The following FAM13A variants were observed in gnomAD, a reference collection of about 807,000 sequenced individuals.
The protein encoded by FAM13A is protein FAM13A.
Under a neutral mutation model 129.6 loss-of-function variants are expected in FAM13A, and 76 were observed. That is an observed-to-expected ratio of 0.59 (90% CI 0.49 to 0.71). FAM13A has a LOEUF of 0.71. FAM13A is among the 30% of genes least tolerant of loss of function. The probability of loss-of-function intolerance (pLI) is 0.00; values close to 1 mark genes in which losing one functional copy is unlikely to be tolerated. For missense variants in FAM13A, 1,108 were observed against 1,249.3 expected (o/e 0.89, Z 1.70); for synonymous variants, 443 against 449.9 (o/e 0.98, Z 0.20).
intron 6 of FAM13A, among the ~76,000 whole-genome samples, chr4:88,875,842 G>A (rs144725789): frequency 1.7e-3 from 264 of 152,234 alleles, no homozygotes; most frequent in African/African-American, 5.9e-3. Context: ...ACTTGCACAC[G>A]TATGTTTATT....
At position 88,991,027 on chromosome 4, in the gene FAM13A, T is replaced by C. The variant is rs1762865155; in HGVS notation, c.551A>G (p.Gln184Arg). 6.2e-7 allele frequency: 1 copy of C among 1,614,194 alleles called. No homozygotes were observed. The highest frequency in any genetic ancestry group is 8.5e-7 in the Non-Finnish European group (1 of 1,180,004). The change falls in exon 4 of 24, where the codon CAG becomes CGG. Residue 184 changes from glutamine (Q) to arginine (R), a missense_variant. Transcript: ENST00000264344. The part of the protein sequence containing the change: ...FLTKVAKHHV[Q>R]NRMNVHNLAT... ...GAGATTGTGAACATTCATGCGATTCTGCACATGATGCTTGGCTACTTTTGT... is the reference window on the plus strand; with the variant it reads ...GAGATTGTGAACATTCATGCGATTCCGCACATGATGCTTGGCTACTTTTGT...
chr4:89,021,889 A>G (rs1006771404), intron 2 of FAM13A, among the ~76,000 whole-genome samples: 1 of 152,160 alleles, frequency 6.6e-6, no homozygotes, highest in African/African-American at 2.4e-5. Flanking sequence ...AAAACACTGT[A>G]AAAGATAAGA....
intron 1 of FAM13A, among the ~76,000 whole-genome samples, chr4:89,039,782 C>T (rs1769867536): frequency 6.6e-6 from 1 of 151,894 alleles, no homozygotes; most frequent in South Asian, 2.1e-4. Flanking sequence ...GATCCCATCT[C>T]TACCAAAAAA....
chr4:88,750,818 T>A (rs938659965), intron 14 of FAM13A, among the ~76,000 whole-genome samples, 181 bp from the exon 15 acceptor site: 1 of 152,212 alleles, frequency 6.6e-6, no homozygotes, highest in Non-Finnish European at 1.5e-5. Context: ...CACCAATATG[T>A]CTGACAGCCA....
chr4:89,043,746 T>C (rs967861553), intron 1 of FAM13A, among the ~76,000 whole-genome samples: 1 of 151,908 alleles, frequency 6.6e-6, no homozygotes, highest in Admixed American at 6.6e-5. Flanking sequence ...AAAAGATAAA[T>C]TGAACATCAA....
intron 6 of FAM13A, among the ~76,000 whole-genome samples, chr4:88,886,872 A>G (rs1273612969): frequency 6.6e-6 from 1 of 151,384 alleles, no homozygotes; most frequent in East Asian, 1.9e-4. Context: ...ATGCCATTGC[A>G]CTCCAGCCTG....
At chr4:88,914,014 A>G (rs201704909) in intron 5 of FAM13A, among the ~76,000 whole-genome samples, 70 of 74,056 alleles carry the variant, frequency 9.5e-4, no homozygotes, top group African/African-American at 4.3e-3. Flanking sequence ...AAAAAAAAAG[A>G]AAAAAAAAAA....
chr4:88,942,423 C>T (rs1293261865), intron 4 of FAM13A, among the ~76,000 whole-genome samples: 3 of 151,632 alleles, frequency 2.0e-5, no homozygotes, highest in Non-Finnish European at 4.4e-5. Context: ...AAACATTAGC[C>T]GGGTGTGGTG....
chr4:88,752,458 G>A (rs556652972), intron 14 of FAM13A, among the ~76,000 whole-genome samples: 35 of 152,152 alleles, frequency 2.3e-4, no homozygotes, highest in African/African-American at 7.9e-4. Context: ...ACAGGTTCTC[G>A]AAATTTAAAG....
intron 6 of FAM13A, among the ~76,000 whole-genome samples, chr4:88,871,510 A>G (rs1250984136): frequency 6.6e-6 from 1 of 152,236 alleles, no homozygotes; most frequent in East Asian, 1.9e-4. Flanking sequence ...CACAAGCTTC[A>G]GTAGCCGATT....
At chr4:89,016,937 G>C (rs1025991545) in intron 3 of FAM13A, among the ~76,000 whole-genome samples, 4 of 152,112 alleles carry the variant, frequency 2.6e-5, no homozygotes, top group Non-Finnish European at 5.9e-5. Flanking sequence ...CAGGCCTACT[G>C]TACCTTTTCA....
At chr4:88,815,702 T>C (rs1277321287) in intron 7 of FAM13A, among the ~76,000 whole-genome samples, 1 of 152,180 alleles carries the variant, frequency 6.6e-6, no homozygotes, top group Non-Finnish European at 1.5e-5. Flanking sequence ...TGTCATAATT[T>C]CCTTCAGTGT....
At chr4:88,840,035 T>C (rs1735554589) in intron 7 of FAM13A, among the ~76,000 whole-genome samples, 1 of 152,184 alleles carries the variant, frequency 6.6e-6, no homozygotes, top group South Asian at 2.1e-4. Flanking sequence ...AGATTTGGGT[T>C]CTCTAAATTT....
At chr4:89,004,377 G>T (rs1227725257) in intron 3 of FAM13A, among the ~76,000 whole-genome samples, 1 of 152,124 alleles carries the variant, frequency 6.6e-6, no homozygotes, top group Non-Finnish European at 1.5e-5. Context: ...GGCATCAAGT[G>T]ATCCACCCAC....
intron 1 of FAM13A, among the ~76,000 whole-genome samples, chr4:89,050,206 CTCTTT>C (rs1347720094): frequency 6.6e-6 from 1 of 151,582 alleles, no homozygotes; most frequent in East Asian, 2.0e-4. Context: ...CTTTCCTCTT[CTCTTT>C]TTTTTTCTTT....
chr4:88,932,740 C>T (rs1753243218), intron 5 of FAM13A, among the ~76,000 whole-genome samples: 1 of 152,012 alleles, frequency 6.6e-6, no homozygotes. Flanking sequence ...AAGTCAAATA[C>T]ACAAAAAAAT....
intron 6 of FAM13A, among the ~76,000 whole-genome samples, chr4:88,873,988 C>T (rs556042558): frequency 7.9e-5 from 12 of 152,194 alleles, no homozygotes; most frequent in South Asian, 2.1e-4. Flanking sequence ...GTTCAACACA[C>T]GCAAATCAAT....
At chr4:88,875,525 C>G (rs1168675402) in intron 6 of FAM13A, among the ~76,000 whole-genome samples, 4 of 152,152 alleles carry the variant, frequency 2.6e-5, no homozygotes. Context: ...ATGCAGCCAA[C>G]AGACAGATGA....
intron 8 of FAM13A, among the ~76,000 whole-genome samples, chr4:88,801,686 G>A (rs1298861652): frequency 6.6e-6 from 1 of 152,124 alleles, no homozygotes; most frequent in Non-Finnish European, 1.5e-5. Flanking sequence ...TTTTGATAAA[G>A]CACATTAAAC....
Sources: allele counts gnomAD v4.1 joint callset (sites outside exome capture counted in the v4.1 genomes callset), GRCh38; gene constraint gnomAD v4.1.1; transcripts MANE v1.5; gene names NCBI Gene and HGNC (gene_info 2026-07-23, HGNC 2026-07-21).